Variants in ATP2B2 observed in about 807,000 individuals in gnomAD.
ATP2B2 encodes the protein ATPase plasma membrane Ca2+ transporting 2.
ATP2B2 carries 15 observed loss-of-function variants against 120.0 expected under a neutral mutation model. The ratio of observed to expected loss-of-function variants is 0.12; its 90% CI spans 0.08 to 0.19. The LOEUF (loss-of-function observed/expected upper bound fraction) is 0.19, where lower values mean the gene tolerates loss of function less well. Ranked by LOEUF, ATP2B2 falls within the 10% of genes least tolerant of loss-of-function variation. ATP2B2 has a pLI of 1.00. For synonymous variants in ATP2B2, 694 were observed against 700.3 expected (o/e 0.99, Z 0.14); for missense variants, 1,045 against 1,719.8 (o/e 0.61, Z 6.94).
chr3:10,590,160 C>T (rs1196082834), intron 2 of ATP2B2, among the ~76,000 whole-genome samples: 1 of 152,074 alleles, frequency 6.6e-6, no homozygotes, highest in East Asian at 1.9e-4. Context: ...AGAAGGAAGG[C>T]CCAAAGCTTA....
chr3:10,662,160 T>G (rs1404289245), intron 1 of ATP2B2, among the ~76,000 whole-genome samples: 1 of 152,042 alleles, frequency 6.6e-6, no homozygotes, highest in Non-Finnish European at 1.5e-5. Context: ...GAAGAAAACC[T>G]AGGCAGTACC....
At position 10,351,542 on chromosome 3, in the gene ATP2B2, G is replaced by A. The variant is rs1379266719; in HGVS notation, c.2137-965C>T. On this transcript the variant is annotated intron_variant, in intron 14 of 22. Coordinates refer to ENST00000360273, the MANE Select transcript of ATP2B2 (RefSeq NM_001001331.4). ...TGCACACCCCACAGTGACCAGGAGC[G>A]CACTCCAGCATCCACCTGCCAAGCC... Among the ~76,000 whole-genome samples, 5 of 152,242 alleles carry A rather than the reference G, an allele frequency of 3.3e-5. No homozygotes were observed. The South Asian group carries it at 6.2e-4, about 19-fold the overall frequency.
At chr3:10,463,730 C>A (rs1244020530) in intron 1 of ATP2B2, among the ~76,000 whole-genome samples, 1 of 152,228 alleles carries the variant, frequency 6.6e-6, no homozygotes, top group Non-Finnish European at 1.5e-5. Flanking sequence ...CTCTGGGCTA[C>A]TCTGGCCAGG....
chr3:10,492,639 T>G (rs2065977056), intron 1 of ATP2B2, among the ~76,000 whole-genome samples: 1 of 152,174 alleles, frequency 6.6e-6, no homozygotes, highest in Admixed American at 6.5e-5. Flanking sequence ...GCTGCCTCAT[T>G]TGCGACTGCA....
chr3:10,568,458 TGAGGCCCAGCA>T (rs1308216953), intron 2 of ATP2B2, among the ~76,000 whole-genome samples: 1 of 152,202 alleles, frequency 6.6e-6, no homozygotes, highest in African/African-American at 2.4e-5. Flanking sequence ...CTCCTGAACA[TGAGGCCCAGCA>T]GAGAAAGCCT....
intron 1 of ATP2B2, among the ~76,000 whole-genome samples, chr3:10,674,600 ATTTTTT>A (rs2071197990): frequency 6.6e-6 from 1 of 152,146 alleles, no homozygotes; most frequent in Admixed American, 6.5e-5. Flanking sequence ...GCAAATTTTT[ATTTTTT>A]AACATTTTAG....
intron 2 of ATP2B2, among the ~76,000 whole-genome samples, chr3:10,440,101 A>G (rs903632351): frequency 2.7e-5 from 1 of 36,654 alleles, no homozygotes; most frequent in African/African-American, 8.8e-5. Context: ...GACTCTATCT[A>G]AAAAAAAAAA....
intron 2 of ATP2B2, among the ~76,000 whole-genome samples, chr3:10,545,258 A>G (rs111335154): frequency 6.6e-6 from 1 of 152,228 alleles, no homozygotes; most frequent in Non-Finnish European, 1.5e-5. Context: ...GGCCGGGTGC[A>G]GTGGCTCATG....
chr3:10,655,263 C>T (rs1436774522), intron 1 of ATP2B2, among the ~76,000 whole-genome samples: 1 of 130,096 alleles, frequency 7.7e-6, no homozygotes, highest in Non-Finnish European at 1.5e-5. Flanking sequence ...CCACTCTCCT[C>T]CCTCTCCTAT....
chr3:10,575,093 C>T (rs766144359), intron 2 of ATP2B2, among the ~76,000 whole-genome samples: 8 of 152,256 alleles, frequency 5.3e-5, no homozygotes, highest in Middle Eastern at 6.8e-3. Flanking sequence ...CTGCTCAGTG[C>T]CTGGGGTCAC....
At chr3:10,358,071 C>T (rs988928848) in intron 14 of ATP2B2, among the ~76,000 whole-genome samples, 4 of 152,218 alleles carry the variant, frequency 2.6e-5, no homozygotes, top group Admixed American at 6.5e-5. Context: ...GTGCTGTCAG[C>T]CCCCTTCCCT....
chr3:10,443,921 G>A (rs1370994645), intron 2 of ATP2B2, among the ~76,000 whole-genome samples: 5 of 152,326 alleles, frequency 3.3e-5, no homozygotes, highest in African/African-American at 1.2e-4. Context: ...CGGAGACTAA[G>A]TATCTTGCCT....
Position 10,480,339 on chromosome 3 carries a change from T to C in ATP2B2, c.-320+25126A>G, listed in dbSNP as rs191399520. On this transcript the variant is annotated intron_variant, in intron 1 of 22. Coordinates refer to ENST00000360273, the MANE Select transcript of ATP2B2 (RefSeq NM_001001331.4). Reference sequence around the variant, plus strand: ...GCATATGAAAGTGTCGAGCACCAAATAGGCGCTCCATAAATGACCTTGACC... The same window carrying C: ...GCATATGAAAGTGTCGAGCACCAAACAGGCGCTCCATAAATGACCTTGACC... Among the ~76,000 whole-genome samples the C allele has an allele frequency of 2.1e-3, 315 of 152,226 alleles. 1 individual carries two copies. The highest frequency in any genetic ancestry group is 3.5e-3 in the Non-Finnish European group (241 of 68,008).
intron 1 of ATP2B2, among the ~76,000 whole-genome samples, chr3:10,462,508 G>T (rs2064535211): frequency 6.6e-6 from 1 of 152,202 alleles, no homozygotes; most frequent in Non-Finnish European, 1.5e-5. Context: ...CTGCCATTTA[G>T]AGTGGCTTCT....
chr3:10,498,390 T>C (rs1360363297), intron 1 of ATP2B2, among the ~76,000 whole-genome samples: 1 of 152,194 alleles, frequency 6.6e-6, no homozygotes, highest in African/African-American at 2.4e-5. Context: ...TTCAGAAGGA[T>C]CAGTGAGCTG....
chr3:10,576,226 G>A lies in ATP2B2; in HGVS notation c.-414-42093C>T, dbSNP rs568833744. On this transcript the variant is annotated intron_variant, in intron 2 of 21. Transcript: ENST00000646379. ...CTGGCACCAGAAAAAGGGCAGGGCC[G>A]AGGATGTCCTGCGCACACTCGGCAG... is the stretch of plus-strand genomic sequence containing the variant. Among the ~76,000 whole-genome samples the A allele has an allele frequency of 2.6e-5, 4 of 152,298 alleles. No homozygotes were observed. The East Asian group carries it at 7.7e-4, about 29-fold the overall frequency.
At chr3:10,399,862 G>A (rs1269322283) in intron 5 of ATP2B2, among the ~76,000 whole-genome samples, 20 of 152,214 alleles carry the variant, frequency 1.3e-4, no homozygotes, top group Non-Finnish European at 2.9e-5. Context: ...CCTCCAGGGA[G>A]CTCTGCTCCT....
intron 1 of ATP2B2, among the ~76,000 whole-genome samples, chr3:10,486,220 C>CT (rs1346591061): frequency 1.6e-4 from 25 of 152,286 alleles, no homozygotes; most frequent in African/African-American, 6.0e-4. Context: ...CTCAGTTTCT[C>CT]TGTCTGTAGA....
chr3:10,568,341 T>A (rs1022459718), intron 2 of ATP2B2, among the ~76,000 whole-genome samples: 1 of 152,044 alleles, frequency 6.6e-6, no homozygotes. Flanking sequence ...AAGCCATGAG[T>A]GTCCAGGAGG....
Sources: gnomAD v4.1 joint callset for allele counts (sites outside exome capture counted in the v4.1 genomes callset) on GRCh38, gnomAD v4.1.1 for gene constraint, MANE v1.5 for transcripts, NCBI Gene and HGNC (gene_info 2026-07-23, HGNC 2026-07-21) for gene names.